Variants in SLC13A4 observed in about 807,000 individuals in gnomAD.
The protein encoded by SLC13A4 is Na(+)/sulfate cotransporter SUT-1.
In SLC13A4, 28 loss-of-function variants were observed where a neutral mutation model predicts 72.7. That is an observed-to-expected ratio of 0.39 (90% CI 0.29 to 0.53). The LOEUF (loss-of-function observed/expected upper bound fraction) is 0.53. Among genes scored for constraint, SLC13A4 ranks in the 20% least tolerant of loss-of-function variants. The pLI, the probability that SLC13A4 is intolerant of heterozygous loss-of-function variation, is 0.78. For synonymous variants in SLC13A4, 312 were observed against 325.5 expected (o/e 0.96, Z 0.45); for missense variants, 653 against 788.0 (o/e 0.83, Z 2.05).
chr7:135,717,260 TTC>T (rs1796452103), intron 2 of SLC13A4, among the ~76,000 whole-genome samples: 2 of 152,324 alleles, frequency 1.3e-5, no homozygotes, highest in African/African-American at 4.8e-5. Flanking sequence ...GAGTGAGAAA[TTC>T]TTTTTTTCCC....
intron 2 of SLC13A4, among the ~76,000 whole-genome samples, chr7:135,718,681 G>T (rs1256300969): frequency 2.0e-5 from 3 of 152,172 alleles, no homozygotes; most frequent in Non-Finnish European, 4.4e-5. Context: ...GACTTTAAAG[G>T]TCAAAGAACG....
intron 2 of SLC13A4, among the ~76,000 whole-genome samples, chr7:135,711,931 G>A (rs1408422267): frequency 1.5e-5 from 2 of 132,142 alleles, no homozygotes; most frequent in Non-Finnish European, 3.1e-5. Context: ...AACCTCCTTA[G>A]TGAAACCACT....
chr7:135,695,516 T>C, intron 8 of SLC13A4, 29 bp from the exon 9 acceptor site: 1 of 1,607,734 alleles, frequency 6.2e-7, no homozygotes, highest in South Asian at 1.1e-5. Flanking sequence ...GGTCAGCAAT[T>C]AGAAAGGGAG....
intron 13 of SLC13A4, among the ~76,000 whole-genome samples, chr7:135,688,521 T>TCCCAC (rs1795691639): frequency 1.3e-5 from 2 of 152,038 alleles, no homozygotes. Context: ...CCTCCTTAAG[T>TCCCAC]GCTGGGATTA....
chr7:135,701,112 C>T (rs895576669), intron 7 of SLC13A4, among the ~76,000 whole-genome samples: 2 of 152,020 alleles, frequency 1.3e-5, no homozygotes, highest in African/African-American at 4.8e-5. Flanking sequence ...TGAGCCAAGA[C>T]CATAGAAAAA....
intron 2 of SLC13A4, among the ~76,000 whole-genome samples, chr7:135,719,803 A>ATGTG (rs113694819): frequency 3.6e-4 from 38 of 104,968 alleles, no homozygotes; most frequent in Admixed American, 1.1e-3. Flanking sequence ...GTGTGTGTGT[A>ATGTG]TGTGTGTGTG....
chr7:135,705,530 C>T (rs555920663), intron 5 of SLC13A4, 66 bp downstream of exon 5: 4 of 1,466,928 alleles, frequency 2.7e-6, no homozygotes, highest in East Asian at 2.3e-5. Context: ...GGTCTAGGTC[C>T]CCTCTTTTCT....
At position 135,715,430 on chromosome 7, in the gene SLC13A4, CGTGTGTATGA is replaced by C. The variant is rs572342066; in HGVS notation, c.228+5955_228+5964del. On this transcript the variant is annotated intron_variant, in intron 2 of 15. Transcript: ENST00000682651. ...ATGAGTGTGTGTATGAGTGTGTGAG[CGTGTGTATGA>C]GTGTGTGAATGTGCATTAGTGCATA... is the stretch of plus-strand genomic sequence containing the variant. Among the ~76,000 whole-genome samples the C allele has an allele frequency of 2.4e-3, 344 of 146,064 alleles. 3 individuals carry two copies. Among genetic ancestry groups the C allele is most frequent in the South Asian group, 0.015 (67 of 4,416 alleles).
intron 2 of SLC13A4, among the ~76,000 whole-genome samples, chr7:135,716,635 G>T (rs918943403): frequency 1.3e-5 from 2 of 152,180 alleles, no homozygotes; most frequent in Non-Finnish European, 2.9e-5. Context: ...ATTCAACGGA[G>T]GATTTTGGTC....
chr7:135,701,432 A>T (rs542333463), intron 7 of SLC13A4, among the ~76,000 whole-genome samples: 1 of 152,334 alleles, frequency 6.6e-6, no homozygotes, highest in East Asian at 1.9e-4. Flanking sequence ...AGGACCTCTG[A>T]TCTACACCAA....
intron 11 of SLC13A4, 161 bp downstream of exon 11, chr7:135,692,162 T>A (rs922957837): frequency 1.7e-5 from 11 of 650,578 alleles, no homozygotes; most frequent in Admixed American, 1.2e-4. Context: ...CCAAAGAGTG[T>A]TTTTCCTTCC....
chr7:135,724,217 G>T (rs1202079205), intron 1 of SLC13A4, among the ~76,000 whole-genome samples: 1 of 152,174 alleles, frequency 6.6e-6, no homozygotes, highest in Admixed American at 6.5e-5. Context: ...AAAGGGAAAG[G>T]AGAAAGAGGA....
At chr7:135,688,630 A>G (rs1361605219) in intron 13 of SLC13A4, among the ~76,000 whole-genome samples, 1 of 152,242 alleles carries the variant, frequency 6.6e-6, no homozygotes, top group African/African-American at 2.4e-5. Flanking sequence ...GAAATAAATT[A>G]GACTTCAAAG....
Position 135,699,488 on chromosome 7 carries a change from A to C in SLC13A4, c.775T>G (p.Ser259Ala). The change falls in exon 8 of 16, where the codon TCC (serine) becomes GCC (alanine). Residue 259 changes from serine to alanine, a missense_variant. By Grantham distance (99) the Ser-to-Ala change is moderately conservative. Coordinates refer to ENST00000682651, the MANE Select transcript of SLC13A4 (RefSeq NM_001318192.2). ...RKQKLNRKYRSHHDQMICKCL... is the reference protein window; with the variant it reads ...RKQKLNRKYRAHHDQMICKCL... ...TTGCAGATCATCTGGTCATGGTGGG[A>C]CCTGTACTTTCTGTTCAGCTTCTGC... The C allele has an allele frequency of 6.2e-7, 1 of 1,612,432 alleles. No individual in the cohort carries two copies. The highest frequency in any genetic ancestry group is 8.5e-7 in the Non-Finnish European group (1 of 1,179,284).
chr7:135,705,073 C>T (rs1252010293), intron 5 of SLC13A4: 1 of 153,022 alleles, frequency 6.5e-6, no homozygotes, highest in East Asian at 1.9e-4. Flanking sequence ...GCTCTGCTTC[C>T]CATCATCACA....
Position 135,694,202 on chromosome 7 carries a change from C to G in SLC13A4, c.1056G>C (p.Lys352Asn), listed in dbSNP as rs749319450. ...TCTCTGACAACTGTTCCCTTTTGGTCTTCTTCTTCTTGCTCAGAGAGCAGG... is the reference window on the plus strand; with the variant it reads ...TCTCTGACAACTGTTCCCTTTTGGTGTTCTTCTTCTTGCTCAGAGAGCAGG... ...KETCSLSKKK[K>N]TKREQLSEKR... The change falls in exon 10 of 16, where the codon AAG (lysine) becomes AAC (asparagine). Residue 352 changes from lysine (K) to asparagine (N), a missense_variant. Transcript: ENST00000682651. The G allele has an allele frequency of 3.7e-6, 6 of 1,605,974 alleles. No individual in the cohort carries two copies. Among genetic ancestry groups the G allele is most frequent in the Non-Finnish European group, 5.1e-6 (6 of 1,173,150 alleles).
intron 10 of SLC13A4, among the ~76,000 whole-genome samples, chr7:135,693,712 T>TGG (rs1795841885): frequency 1.3e-5 from 2 of 152,230 alleles, no homozygotes; most frequent in African/African-American, 4.8e-5. Context: ...AAGTCTGTCT[T>TGG]TGATACTGCC....
intron 3 of SLC13A4, 23 bp from the exon 4 acceptor site, chr7:135,706,323 G>C: frequency 6.3e-7 from 1 of 1,585,120 alleles, no homozygotes; most frequent in Non-Finnish European, 8.6e-7. Flanking sequence ...GAGGGTTGGG[G>C]CAGAGCGTCC....
chr7:135,727,283 C>T (rs1343058363), intron 1 of SLC13A4, 115 bp downstream of exon 1: 3 of 1,347,350 alleles, frequency 2.2e-6, no homozygotes, highest in Non-Finnish European at 3.0e-6. Flanking sequence ...TTTCTTTAAA[C>T]CCACCACAAG....
Sources: allele counts gnomAD v4.1 joint callset (sites outside exome capture counted in the v4.1 genomes callset), GRCh38; gene constraint gnomAD v4.1.1; transcripts MANE v1.5; gene names NCBI Gene and HGNC (gene_info 2026-07-23, HGNC 2026-07-21).